The following DIP2A variants were observed in gnomAD, a reference collection of about 807,000 sequenced individuals.
DIP2A encodes disco-interacting protein 2 homolog A.
A neutral mutation model predicts 177.4 loss-of-function variants in DIP2A; 85 were observed. The ratio of observed to expected loss-of-function variants is 0.48; its 90% CI spans 0.40 to 0.57. DIP2A has a LOEUF of 0.57. Ranked by LOEUF, DIP2A falls within the 20% of genes least tolerant of loss-of-function variation. The pLI, the probability that DIP2A is intolerant of heterozygous loss-of-function variation, is 0.00. For synonymous variants in DIP2A, 886 were observed against 881.8 expected, an observed-to-expected ratio of 1.00 and a Z score of -0.08; for missense variants, 1,791 against 2,100.2, an observed-to-expected ratio of 0.85 and a Z score of 2.88.
At position 46,545,866 on chromosome 21, in the gene DIP2A, C is replaced by T. The variant is rs759034427; in HGVS notation, c.2314-15C>T. The T allele has an allele frequency of 1.9e-6, 3 of 1,612,936 alleles. No homozygotes were observed. Among genetic ancestry groups the T allele is most frequent in the Non-Finnish European group, 2.5e-6 (3 of 1,179,184 alleles). On this transcript the variant is annotated splice_polypyrimidine_tract_variant and intron_variant, in intron 19 of 37. Coordinates refer to ENST00000417564, the MANE Select transcript of DIP2A (RefSeq NM_015151.4). ...TTGTCCACAGCCTGATCGTGCCCCT[C>T]TCCACTTTGTGCAGGCAGTTCCGGT... is the stretch of plus-strand genomic sequence containing the variant.
chr21:46,583,849 A>G, the DIP2A span, among the ~76,000 whole-genome samples: 1 of 152,230 alleles, frequency 6.6e-6, no homozygotes, highest in Admixed American at 6.5e-5. Flanking sequence ...GCTGTGCTAA[A>G]TAAATTTCTG....
rs771740731 is a variant in DIP2A at position 46,534,591 on chromosome 21, A to G, written c.1546A>G (p.Thr516Ala). ...GTGTAYIEYK[T>A]SKEGSTVGVT... ...TTTCCTTGAAATCTTTCAGTATAAAACCAGCAAAGAAGGCAGTACGGTGGG... is the reference window on the plus strand; with the variant it reads ...TTTCCTTGAAATCTTTCAGTATAAAGCCAGCAAAGAAGGCAGTACGGTGGG... Residue 516 changes from threonine to alanine, a missense_variant, in exon 13 of 38, where the codon ACC becomes GCC. Transcript: ENST00000417564. The G allele has an allele frequency of 6.2e-5, 100 of 1,613,400 alleles. No individual in the cohort carries two copies. The highest frequency in any genetic ancestry group is 8.1e-5 in the Non-Finnish European group (95 of 1,179,838).
chr21:46,474,318 G>C (rs575930717), intron 1 of DIP2A, among the ~76,000 whole-genome samples: 1 of 152,300 alleles, frequency 6.6e-6, no homozygotes, highest in East Asian at 1.9e-4. Context: ...TTCTAGAAAG[G>C]GCTAGGCTAG....
chr21:46,497,657 G>A (rs1248916097), intron 4 of DIP2A, among the ~76,000 whole-genome samples: 8 of 152,140 alleles, frequency 5.3e-5, no homozygotes, highest in Admixed American at 5.2e-4. Flanking sequence ...ACAAGATGTC[G>A]ATAGTGTCTA....
At chr21:46,469,480 T>G (rs2148305157) in intron 1 of DIP2A, among the ~76,000 whole-genome samples, 1 of 152,334 alleles carries the variant, frequency 6.6e-6, no homozygotes, top group East Asian at 1.9e-4. Context: ...TCCTGTAGGA[T>G]CCAGGCTAAG....
rs550423307 is a variant in DIP2A at position 46,489,870 on chromosome 21, C to T, written c.164-730C>T. ...CTTGAACAACTGTTCCCCATTCCTT[C>T]GCTCACCGTAATGTGTCTTGAGGGC... On this transcript the variant is annotated intron_variant, in intron 2 of 37. Transcript: ENST00000417564. 3.9e-5 allele frequency among the ~76,000 whole-genome samples: 6 copies of T among 152,292 alleles called. 1 individual carries two copies. Among genetic ancestry groups the T allele is most frequent in the African/African-American group, 1.2e-4 (5 of 41,574 alleles).
chr21:46,476,476 G>A (rs907057435), intron 1 of DIP2A, among the ~76,000 whole-genome samples: 3 of 152,082 alleles, frequency 2.0e-5, no homozygotes, highest in Non-Finnish European at 4.4e-5. Context: ...TAGCCCAGAA[G>A]CACAGATAGA....
In DIP2A at chr21:46,549,792, C is replaced by T. The variant is rs143909470; in HGVS notation, c.2544C>T (p.Thr848=). ...GCAGGATCGCTGTGTTCTCTGTGACCGTGCTGCACGACGACCGGATTGTCC... is the reference window on the plus strand; with the variant it reads ...GCAGGATCGCTGTGTTCTCTGTGACTGTGCTGCACGACGACCGGATTGTCC... The part of the protein sequence containing the change: ...YRGRIAVFSV[T]VLHDDRIVLV... The change falls in exon 22 of 38, where the codon ACC becomes ACT. Residue 848 remains threonine (T), a synonymous_variant. Coordinates refer to ENST00000417564, the MANE Select transcript of DIP2A (RefSeq NM_015151.4). The T allele has an allele frequency of 6.6e-4, 1,063 of 1,613,792 alleles. 5 individuals are homozygous for T. The African/African-American group carries it at 0.01, about 15-fold the overall frequency.
chr21:46,501,899 A>G (rs982202267), intron 5 of DIP2A, among the ~76,000 whole-genome samples: 4 of 152,246 alleles, frequency 2.6e-5, no homozygotes, highest in African/African-American at 9.6e-5. Flanking sequence ...TGCTAATTTG[A>G]TCAGCATCAG....
intron 1 of DIP2A, among the ~76,000 whole-genome samples, chr21:46,466,661 T>G (rs546631165): frequency 6.6e-6 from 1 of 151,888 alleles, no homozygotes; most frequent in Non-Finnish European, 1.5e-5. Flanking sequence ...TTTTTTTTTT[T>G]AAGAGACTCC....
downstream of DIP2A, among the ~76,000 whole-genome samples, chr21:46,571,968 G>T (rs530009332): frequency 6.6e-6 from 1 of 152,222 alleles, no homozygotes; most frequent in South Asian, 2.1e-4. Context: ...GAGCATCCTT[G>T]TCTTGTGCCG....
chr21:46,461,250 C>T (rs1019442569), intron 1 of DIP2A, among the ~76,000 whole-genome samples: 3 of 112,452 alleles, frequency 2.7e-5, no homozygotes, highest in Admixed American at 2.4e-4. Context: ...GGCAACAGAG[C>T]GAGAACCTGT....
In DIP2A at chr21:46,504,482, A is replaced by T; in HGVS notation, c.777A>T (p.Thr259=). 6.2e-7 allele frequency: 1 copy of T among 1,607,040 alleles called. No individual in the cohort carries two copies. The highest frequency in any genetic ancestry group is 8.5e-7 in the Non-Finnish European group (1 of 1,176,170). ...GGTGCAGCGGGAGCATGCTGGAAAC[A>T]GCAGATGGTGAGCCTGCCTCTCTTT... ...PRGCSGSMLE[T]ADGVPVNSRV... The change falls in exon 6 of 38, where the codon ACA becomes ACT. Residue 259 remains threonine (T), a synonymous_variant. Transcript: ENST00000417564.
At chr21:46,540,334 G>A (rs2059761401) in intron 17 of DIP2A, among the ~76,000 whole-genome samples, 1 of 152,198 alleles carries the variant, frequency 6.6e-6, no homozygotes, top group African/African-American at 2.4e-5. Flanking sequence ...CGTGGAGTCT[G>A]TGGGAACCAC....
At chr21:46,555,834 C>T in intron 28 of DIP2A, 148 bp from the exon 29 acceptor site, 2 of 699,064 alleles carry the variant, frequency 2.9e-6, no homozygotes, top group South Asian at 3.1e-5. Flanking sequence ...CACGCACAGC[C>T]TGCATCGTCA....
At chr21:46,481,871 T>G (rs1215782946) in intron 1 of DIP2A, among the ~76,000 whole-genome samples, 1 of 152,020 alleles carries the variant, frequency 6.6e-6, no homozygotes, top group African/African-American at 2.4e-5. Flanking sequence ...GCTAACATGG[T>G]GAAACCCCAT....
chr21:46,471,743 C>G (rs2055402330), intron 1 of DIP2A, among the ~76,000 whole-genome samples: 1 of 152,204 alleles, frequency 6.6e-6, no homozygotes, highest in African/African-American at 2.4e-5. Flanking sequence ...AATGCATGGC[C>G]TCTGTTCTTA....
At chr21:46,525,238 A>C (rs1049668162) in intron 8 of DIP2A, among the ~76,000 whole-genome samples, 6 of 152,156 alleles carry the variant, frequency 3.9e-5, no homozygotes, top group Non-Finnish European at 8.8e-5. Flanking sequence ...GGCTGAGATC[A>C]AAACATTATT....
chr21:46,582,180 G>A, the DIP2A span, among the ~76,000 whole-genome samples: 3 of 152,176 alleles, frequency 2.0e-5, no homozygotes, highest in Non-Finnish European at 4.4e-5. Flanking sequence ...GCCCATTGAC[G>A]GGGAATGGAT....
Sources: allele counts gnomAD v4.1 joint callset (sites outside exome capture counted in the v4.1 genomes callset), GRCh38; gene constraint gnomAD v4.1.1; transcripts MANE v1.5; gene names NCBI Gene and HGNC (gene_info 2026-07-23, HGNC 2026-07-21).